ACAP2: variants seen among roughly 807,000 people sequenced by gnomAD.
The protein encoded by ACAP2 is ArfGAP with coiled-coil, ankyrin repeat and PH domains 2.
Under a neutral mutation model 115.8 loss-of-function variants are expected in ACAP2, and 39 were observed. That is an observed-to-expected ratio of 0.34 (90% CI 0.26 to 0.44). ACAP2 has a LOEUF of 0.44. Among genes scored for constraint, ACAP2 ranks in the 20% least tolerant of loss-of-function variants. The pLI is 1.00. For synonymous variants in ACAP2, 289 were observed against 315.8 expected, an observed-to-expected ratio of 0.92 and a Z score of 0.90; for missense variants, 662 against 927.6, an observed-to-expected ratio of 0.71 and a Z score of 3.72.
chr3:195,296,596 G>A (rs550076663), intron 16 of ACAP2, among the ~76,000 whole-genome samples: 31 of 152,230 alleles, frequency 2.0e-4, no homozygotes, highest in African/African-American at 5.5e-4. Flanking sequence ...GACTCAGACA[G>A]AAATCAGTAT....
chr3:195,415,861 TG>T (rs1253577592), intron 1 of ACAP2, among the ~76,000 whole-genome samples: 2 of 152,036 alleles, frequency 1.3e-5, no homozygotes, highest in African/African-American at 4.8e-5. Context: ...AATTTTAGGA[TG>T]AAAAAAACGC....
intron 4 of ACAP2, among the ~76,000 whole-genome samples, chr3:195,351,364 G>A (rs1432185779): frequency 5.3e-5 from 8 of 151,986 alleles, no homozygotes; most frequent in South Asian, 2.1e-4. Flanking sequence ...TGATCCGCCC[G>A]CCTCAGCCTT....
chr3:195,351,141 A>C (rs1479362296), intron 4 of ACAP2, among the ~76,000 whole-genome samples: 7 of 104,210 alleles, frequency 6.7e-5, no homozygotes, highest in East Asian at 8.9e-4. Context: ...GGCGGGGGAC[A>C]GGGTCTTGCT....
intron 1 of ACAP2, among the ~76,000 whole-genome samples, chr3:195,426,181 G>C (rs937403245): frequency 1.3e-5 from 2 of 151,820 alleles, no homozygotes; most frequent in Non-Finnish European, 2.9e-5. Context: ...CCTTCCTTCC[G>C]TTCCTTGAAG....
At chr3:195,390,703 C>T (rs540469317) in intron 2 of ACAP2, among the ~76,000 whole-genome samples, 6 of 152,064 alleles carry the variant, frequency 3.9e-5, no homozygotes, top group Admixed American at 2.6e-4. Context: ...GGAAGATCCC[C>T]CAGGGGTTCC....
chr3:195,334,091 A>G (rs1245113225), intron 7 of ACAP2, among the ~76,000 whole-genome samples: 1 of 152,144 alleles, frequency 6.6e-6, no homozygotes, highest in Non-Finnish European at 1.5e-5. Context: ...ACATAATTAA[A>G]TGAATAATAC....
chr3:195,435,268 G>A (rs547972486), intron 1 of ACAP2, among the ~76,000 whole-genome samples: 224 of 150,374 alleles, frequency 1.5e-3, no homozygotes, highest in Non-Finnish European at 2.7e-3. Flanking sequence ...TCTGCCCCCC[G>A]GGTTCAAGTG....
At chr3:195,340,006 A>G (rs1730763181) in intron 6 of ACAP2, among the ~76,000 whole-genome samples, 1 of 151,960 alleles carries the variant, frequency 6.6e-6, no homozygotes. Context: ...GAGAAGGCAG[A>G]GGCAAAAATT....
At chr3:195,345,957 C>A (rs958287191) in intron 4 of ACAP2, among the ~76,000 whole-genome samples, 1 of 152,114 alleles carries the variant, frequency 6.6e-6, no homozygotes, top group Non-Finnish European at 1.5e-5. Context: ...GGGGATTCCA[C>A]CTTTAATAAT....
At chr3:195,340,378 G>A (rs555829190) in intron 6 of ACAP2, among the ~76,000 whole-genome samples, 11 of 151,938 alleles carry the variant, frequency 7.2e-5, no homozygotes, top group African/African-American at 2.7e-4. Flanking sequence ...TTTCAGTTTT[G>A]AATACAATGA....
In ACAP2 at chr3:195,433,249, T is replaced by G. The variant is rs568628431; in HGVS notation, c.53+9546A>C. Among the ~76,000 whole-genome samples, 5 of 152,364 alleles carry G rather than the reference T, an allele frequency of 3.3e-5. No individual in the cohort carries two copies. In the East Asian group the frequency reaches 7.7e-4, roughly 23 times the overall value. On this transcript the variant is annotated intron_variant, in intron 1 of 22. Coordinates refer to ENST00000326793, the MANE Select transcript of ACAP2 (RefSeq NM_012287.6). ...AATACCTAATGCAATGTAAATGTTA[T>G]GTGTAAATAGTTGTTATACTATTTA...
rs751419994 is a variant in ACAP2, at chr3:195,342,466, T to C, written c.528+5A>G. On this transcript the variant is annotated splice_donor_5th_base_variant and intron_variant, in intron 6 of 22. Transcript: ENST00000326793. ...TGAAAACATACACAGTAAGAAACTA[T>C]ATACCTGAAGCACATAATCGAGGGC... 3.8e-6 allele frequency: 6 copies of C among 1,592,618 alleles called. No homozygotes were observed. The East Asian group carries it at 9.0e-5, about 24-fold the overall frequency.
At chr3:195,380,968 T>C in intron 4 of ACAP2, 41 bp downstream of exon 4, 2 of 1,512,842 alleles carry the variant, frequency 1.3e-6, no homozygotes, top group Non-Finnish European at 1.8e-6. Flanking sequence ...AATACTAAAA[T>C]GTTAATATGG....
chr3:195,332,588 G>A (rs1301705884), intron 8 of ACAP2, among the ~76,000 whole-genome samples: 1 of 152,116 alleles, frequency 6.6e-6, no homozygotes, highest in Non-Finnish European at 1.5e-5. Flanking sequence ...TGATTTGGCT[G>A]TGTCCCCACC....
intron 1 of ACAP2, among the ~76,000 whole-genome samples, chr3:195,433,260 T>C (rs866949304): frequency 1.8e-4 from 27 of 152,248 alleles, no homozygotes; most frequent in Admixed American, 1.2e-3. Context: ...GTGTAAATAG[T>C]TGTTATACTA....
chr3:195,336,618 G>A (rs764194310), intron 7 of ACAP2: 1 of 201,162 alleles, frequency 5.0e-6, no homozygotes, highest in Non-Finnish European at 9.9e-6. Flanking sequence ...AACATTTTTA[G>A]TTATTCACCA....
chr3:195,344,714 T>C (rs144664440), intron 5 of ACAP2, among the ~76,000 whole-genome samples: 4 of 152,278 alleles, frequency 2.6e-5, no homozygotes, highest in African/African-American at 9.6e-5. Context: ...GAGACGGGGT[T>C]TCTCCATCTT....
intron 1 of ACAP2, among the ~76,000 whole-genome samples, chr3:195,424,462 AT>A (rs201406580): frequency 0.013 from 1,897 of 149,520 alleles, 32 homozygotes; most frequent in African/African-American, 0.042. Flanking sequence ...TGTCCAGCTA[AT>A]TTTTTTTGTA....
intron 4 of ACAP2, among the ~76,000 whole-genome samples, chr3:195,364,950 G>A (rs1048174842): frequency 6.6e-6 from 1 of 152,182 alleles, no homozygotes; most frequent in Non-Finnish European, 1.5e-5. Flanking sequence ...CAGCCATAAA[G>A]AAGAATGAGA....
Sources: allele counts gnomAD v4.1 joint callset (sites outside exome capture counted in the v4.1 genomes callset), GRCh38; gene constraint gnomAD v4.1.1; transcripts MANE v1.5; gene names NCBI Gene and HGNC (gene_info 2026-07-23, HGNC 2026-07-21).